The following PPARGC1A variants were observed in gnomAD, a reference collection of about 807,000 sequenced individuals.
PPARGC1A encodes PPARG coactivator 1 alpha, also known as peroxisome proliferator-activated receptor gamma coactivator 1-alpha.
Under a neutral mutation model 88.7 loss-of-function variants are expected in PPARGC1A, and 25 were observed. That is an observed-to-expected ratio of 0.28 (90% CI 0.21 to 0.39). The LOEUF (loss-of-function observed/expected upper bound fraction) is 0.39, where lower values mean the gene tolerates loss of function less well. Ranked by LOEUF, PPARGC1A falls within the 10% of genes least tolerant of loss-of-function variation. The pLI is 1.00. For missense variants in PPARGC1A, 880 were observed against 968.7 expected, an observed-to-expected ratio of 0.91 and a Z score of 1.22; for synonymous variants, 363 against 355.6, an observed-to-expected ratio of 1.02 and a Z score of -0.24.
the PPARGC1A span, among the ~76,000 whole-genome samples, chr4:23,997,497 C>CTTTTTT: frequency 3.5e-4 from 34 of 96,950 alleles, 2 homozygotes; most frequent in East Asian, 1.0e-3. Flanking sequence ...CAAGAAAGCC[C>CTTTTTT]TTTTTTTTTT....
chr4:24,452,710 A>G, the PPARGC1A span, among the ~76,000 whole-genome samples: 1 of 152,350 alleles, frequency 6.6e-6, no homozygotes, highest in South Asian at 2.1e-4. Context: ...CATGTGCTGG[A>G]AACACAAGGA....
At chr4:23,941,067 T>G in the PPARGC1A span, among the ~76,000 whole-genome samples, 1 of 152,184 alleles carries the variant, frequency 6.6e-6, no homozygotes, top group African/African-American at 2.4e-5. Context: ...ATTATAATTT[T>G]AGAGACAGGG....
the PPARGC1A span, among the ~76,000 whole-genome samples, chr4:24,233,975 A>G: frequency 6.6e-6 from 1 of 152,202 alleles, no homozygotes; most frequent in Non-Finnish European, 1.5e-5. Flanking sequence ...ACAGAACACA[A>G]TGAATGTCAG....
At chr4:24,206,844 A>T in the PPARGC1A span, among the ~76,000 whole-genome samples, 9 of 1,912 alleles carry the variant, frequency 4.7e-3, no homozygotes, top group Non-Finnish European at 0.028. Flanking sequence ...TCACCTTAAA[A>T]AAAAAAAAAA....
At chr4:23,858,926 A>T (rs1031311300) in intron 2 of PPARGC1A, among the ~76,000 whole-genome samples, 1 of 149,282 alleles carries the variant, frequency 6.7e-6, no homozygotes, top group Non-Finnish European at 1.5e-5. Context: ...AATATAAATT[A>T]TATAGATTTA....
the PPARGC1A span, among the ~76,000 whole-genome samples, chr4:24,243,486 G>A: frequency 4.6e-5 from 7 of 152,172 alleles, no homozygotes; most frequent in Non-Finnish European, 1.0e-4. Flanking sequence ...CTCGCGTGCT[G>A]TGGTGCAACT....
chr4:24,376,202 C>G, the PPARGC1A span, among the ~76,000 whole-genome samples: 1 of 152,156 alleles, frequency 6.6e-6, no homozygotes. Context: ...ATTTAGCACA[C>G]ATAAGCATAT....
At chr4:24,301,472 T>C in the PPARGC1A span, among the ~76,000 whole-genome samples, 2 of 152,084 alleles carry the variant, frequency 1.3e-5, no homozygotes, top group African/African-American at 4.8e-5. Context: ...AGTCATCAAG[T>C]CATTAAATAG....
At chr4:24,216,302 C>T in the PPARGC1A span, among the ~76,000 whole-genome samples, 2 of 152,070 alleles carry the variant, frequency 1.3e-5, no homozygotes, top group East Asian at 3.9e-4. Context: ...CATGCACCAC[C>T]ATGCTCAGCT....
chr4:24,281,756 C>T, the PPARGC1A span, among the ~76,000 whole-genome samples: 5 of 152,140 alleles, frequency 3.3e-5, no homozygotes, highest in Non-Finnish European at 7.3e-5. Flanking sequence ...TCTTCCCCCC[C>T]ACCCCCAATC....
the PPARGC1A span, among the ~76,000 whole-genome samples, chr4:24,311,565 G>A: frequency 9.9e-5 from 15 of 151,766 alleles, no homozygotes; most frequent in East Asian, 1.2e-3. Flanking sequence ...GCTTGGACCC[G>A]GGAGACAGAG....
Position 23,814,490 on chromosome 4 carries a change from G to A in PPARGC1A, c.993C>T (p.Pro331=), listed in dbSNP as rs767309791. ...KTVVPPPSKK[P]RYSESSGTQG... is the part of the protein sequence containing the mutation. Reference sequence around the variant, plus strand: ...GTGTACCAGAAGACTCACTGTACCTGGGCTTCTTTGATGGTGGTGGCACCA... The same window carrying A: ...GTGTACCAGAAGACTCACTGTACCTAGGCTTCTTTGATGGTGGTGGCACCA... The change falls in exon 8 of 13, where the codon CCC becomes CCT. Residue 331 remains proline, a synonymous_variant. Transcript: ENST00000264867. 1 of 1,613,614 alleles carries A rather than the reference G, an allele frequency of 6.2e-7. No homozygotes were observed. The highest frequency in any genetic ancestry group is 1.1e-5 in the South Asian group (1 of 91,040).
At chr4:24,381,352 T>A in the PPARGC1A span, among the ~76,000 whole-genome samples, 1 of 152,084 alleles carries the variant, frequency 6.6e-6, no homozygotes, top group African/African-American at 2.4e-5. Context: ...AACTTAACCA[T>A]GAACTGGGAA....
At chr4:23,799,655 C>G (rs760048552) in intron 12 of PPARGC1A, among the ~76,000 whole-genome samples, 3 of 152,156 alleles carry the variant, frequency 2.0e-5, no homozygotes, top group Non-Finnish European at 4.4e-5. Flanking sequence ...ACAGAGCGAG[C>G]TTAGCAATGG....
chr4:24,330,519 G>A, the PPARGC1A span, among the ~76,000 whole-genome samples: 1 of 152,128 alleles, frequency 6.6e-6, no homozygotes, highest in African/African-American at 2.4e-5. Flanking sequence ...ATCCAGCCCA[G>A]TGGAGCCTTC....
chr4:23,863,909 G>C (rs898354578), intron 2 of PPARGC1A, among the ~76,000 whole-genome samples: 4 of 152,106 alleles, frequency 2.6e-5, no homozygotes, highest in African/African-American at 9.7e-5. Flanking sequence ...ATCACGCCTG[G>C]CTAATTTTTG....
chr4:24,216,760 C>T, the PPARGC1A span, among the ~76,000 whole-genome samples: 4 of 152,056 alleles, frequency 2.6e-5, no homozygotes, highest in Non-Finnish European at 5.9e-5. Context: ...GAAAATCTTA[C>T]ACAAGAGGGA....
At chr4:24,231,631 T>C in the PPARGC1A span, among the ~76,000 whole-genome samples, 5 of 152,134 alleles carry the variant, frequency 3.3e-5, no homozygotes, top group African/African-American at 9.7e-5. Context: ...GTACAGGAGG[T>C]CTAGTATCTA....
intron 2 of PPARGC1A, among the ~76,000 whole-genome samples, chr4:23,850,375 T>G (rs1483935544): frequency 6.6e-6 from 1 of 152,104 alleles, no homozygotes; most frequent in Non-Finnish European, 1.5e-5. Flanking sequence ...GTGCTCAGAG[T>G]AATATTGTCA....
Sources: gnomAD v4.1 joint callset for allele counts (sites outside exome capture counted in the v4.1 genomes callset) on GRCh38, gnomAD v4.1.1 for gene constraint, MANE v1.5 for transcripts, NCBI Gene and HGNC (gene_info 2026-07-23, HGNC 2026-07-21) for gene names.